Variants in CPT1A observed in about 807,000 individuals in gnomAD.
CPT1A encodes the protein carnitine O-palmitoyltransferase 1, liver isoform.
Under a neutral mutation model 100.8 loss-of-function variants are expected in CPT1A, and 64 were observed. That is an observed-to-expected ratio of 0.63 (90% CI 0.52 to 0.78). The LOEUF (loss-of-function observed/expected upper bound fraction) is 0.78, where lower values mean the gene tolerates loss of function less well. CPT1A is among the 30% of genes least tolerant of loss of function. The pLI is 0.00. For synonymous variants in CPT1A, 363 were observed against 396.0 expected, an observed-to-expected ratio of 0.92 and a Z score of 0.99; for missense variants, 802 against 1,034.1, an observed-to-expected ratio of 0.78 and a Z score of 3.08.
chr11:68,838,759 G>T (rs1857086207), intron 1 of CPT1A, among the ~76,000 whole-genome samples: 1 of 152,014 alleles, frequency 6.6e-6, no homozygotes, highest in Non-Finnish European at 1.5e-5. Context: ...AGAGACAGGG[G>T]TCTGGCTCTG....
chr11:68,825,619 A>T (rs1856704776), intron 1 of CPT1A, among the ~76,000 whole-genome samples: 1 of 152,086 alleles, frequency 6.6e-6, no homozygotes, highest in Admixed American at 6.6e-5. Context: ...CTGGTGTAAA[A>T]AGGATGAGAA....
Position 68,781,876 on chromosome 11 carries a change from A to G in CPT1A, c.1247T>C (p.Phe416Ser), listed in dbSNP as rs1213861163. The change falls in exon 11 of 19, where the codon TTC (phenylalanine) becomes TCC (serine). Residue 416 changes from phenylalanine to serine, a missense_variant. Physicochemically the swap from Phe to Ser is radical, Grantham distance 155. This residue lies in a region of CPT1A where 627 missense variants were observed against 799.3 expected (regional missense o/e 0.78). Coordinates refer to ENST00000265641, the MANE Select transcript of CPT1A (RefSeq NM_001876.4). ...QSLDAVEKAA[F>S]FVTLDETEEG... ...TTCAGTTTCATCTAACGTCACAAAG[A>G]ACGCTGCTTTCTCCACAGCATCAAG... 6.2e-7 allele frequency: 1 copy of G among 1,614,070 alleles called. No individual in the cohort carries two copies. Among genetic ancestry groups the G allele is most frequent in the Non-Finnish European group, 8.5e-7 (1 of 1,180,046 alleles).
intron 1 of CPT1A, among the ~76,000 whole-genome samples, chr11:68,817,001 GGTA>G (rs1856430983): frequency 9.7e-6 from 1 of 102,790 alleles, no homozygotes; most frequent in African/African-American, 3.9e-5. Flanking sequence ...GTGTGTGTGT[GGTA>G]TGTGTGGGGG....
chr11:68,792,341 A>T (rs933944452), intron 9 of CPT1A, among the ~76,000 whole-genome samples: 14 of 152,130 alleles, frequency 9.2e-5, no homozygotes, highest in South Asian at 2.1e-4. Context: ...CCTCTAAAAA[A>T]AAATAAATAA....
intron 8 of CPT1A, among the ~76,000 whole-genome samples, 186 bp from the exon 9 acceptor site, chr11:68,793,588 A>G (rs995518328): frequency 1.3e-5 from 2 of 152,016 alleles, no homozygotes; most frequent in Non-Finnish European, 2.9e-5. Flanking sequence ...TACTAAAAAT[A>G]CAAAAAAATT....
At chr11:68,836,525 C>T (rs1168524515) in intron 1 of CPT1A, among the ~76,000 whole-genome samples, 1 of 152,062 alleles carries the variant, frequency 6.6e-6, no homozygotes, top group African/African-American at 2.4e-5. Context: ...GTAATCCCCG[C>T]ACTTTGGGAG....
At chr11:68,809,029 T>TAA (rs61177355) in intron 3 of CPT1A, among the ~76,000 whole-genome samples, 59 of 151,004 alleles carry the variant, frequency 3.9e-4, no homozygotes, top group African/African-American at 1.4e-3. Flanking sequence ...AAATAAGAAA[T>TAA]AAAAAAAGAA....
intron 1 of CPT1A, among the ~76,000 whole-genome samples, chr11:68,820,205 A>ATTTT (rs1594368203): frequency 6.6e-6 from 1 of 151,706 alleles, no homozygotes; most frequent in Non-Finnish European, 1.5e-5. Context: ...TAATTTATGT[A>ATTTT]TTTTTTTGTA....
At chr11:68,785,722 C>G (rs1470540637) in intron 9 of CPT1A, 1 of 384,550 alleles carries the variant, frequency 2.6e-6, no homozygotes, top group Non-Finnish European at 4.7e-6. Flanking sequence ...ATCCGTAAAG[C>G]CCATGTAAAT....
intron 3 of CPT1A, among the ~76,000 whole-genome samples, chr11:68,809,802 G>T (rs1856147178): frequency 6.6e-6 from 1 of 152,228 alleles, no homozygotes; most frequent in African/African-American, 2.4e-5. Context: ...ATCTTACAAA[G>T]ACCCAGATTA....
intron 12 of CPT1A, among the ~76,000 whole-genome samples, chr11:68,779,280 T>G (rs1273538183): frequency 6.6e-6 from 1 of 151,998 alleles, no homozygotes; most frequent in African/African-American, 2.4e-5. Context: ...AATGTGAATC[T>G]CAAAGGGGCT....
intron 14 of CPT1A, among the ~76,000 whole-genome samples, chr11:68,769,910 G>A (rs1348198434): frequency 1.3e-5 from 2 of 152,100 alleles, no homozygotes; most frequent in Non-Finnish European, 1.5e-5. Context: ...TTAGCCAGGT[G>A]TGGTGGCAGG....
chr11:68,767,833 G>C (rs1206690508), intron 14 of CPT1A, among the ~76,000 whole-genome samples: 1 of 152,058 alleles, frequency 6.6e-6, no homozygotes, highest in Non-Finnish European at 1.5e-5. Flanking sequence ...TAACAAATAT[G>C]TAACTGACGA....
chr11:68,833,750 A>AG (rs1454306249), intron 1 of CPT1A, among the ~76,000 whole-genome samples: 2 of 152,188 alleles, frequency 1.3e-5, no homozygotes, highest in African/African-American at 4.8e-5. Context: ...AGAAAAAAAA[A>AG]AAGAAATTGT....
intron 12 of CPT1A, among the ~76,000 whole-genome samples, chr11:68,778,123 A>G (rs1004384694): frequency 6.6e-6 from 1 of 151,882 alleles, no homozygotes; most frequent in Non-Finnish European, 1.5e-5. Context: ...CTACATAGAA[A>G]ACCTCCCTTG....
upstream of CPT1A, chr11:68,841,962 G>A (rs867428944): frequency 1.0e-6 from 1 of 985,078 alleles, no homozygotes; most frequent in African/African-American, 1.8e-5. This position sits in a 1 kb window ranked among gnomAD's most constrained non-coding sequence, Gnocchi z 6.3. Context: ...GGTGACTCCC[G>A]GCGCGCGGAG....
chr11:68,827,766 G>A (rs545501718), intron 1 of CPT1A, among the ~76,000 whole-genome samples: 1 of 152,166 alleles, frequency 6.6e-6, no homozygotes, highest in African/African-American at 2.4e-5. Context: ...ATCTACAAGT[G>A]CATACAGTGC....
At chr11:68,834,945 G>C (rs1856971151) in intron 1 of CPT1A, among the ~76,000 whole-genome samples, 1 of 150,924 alleles carries the variant, frequency 6.6e-6, no homozygotes, top group South Asian at 2.1e-4. Context: ...GTTGCAGTGA[G>C]CCATGATTGC....
chr11:68,774,469 G>T (rs866545696), intron 13 of CPT1A, among the ~76,000 whole-genome samples: 5 of 151,596 alleles, frequency 3.3e-5, no homozygotes, highest in South Asian at 4.2e-4. Flanking sequence ...TTGAGATAGG[G>T]TGTCCCTCTG....
Sources: gnomAD v4.1 joint callset for allele counts (sites outside exome capture counted in the v4.1 genomes callset) on GRCh38, gnomAD v4.1.1 for gene constraint, gnomAD v4.1.1 regional missense constraint, Gnocchi (gnomAD v3.1) non-coding constraint, MANE v1.5 for transcripts, NCBI Gene and HGNC (gene_info 2026-07-23, HGNC 2026-07-21) for gene names.